Variants in ZNF225 observed in about 807,000 individuals in gnomAD.
ZNF225 encodes zinc finger protein 225.
ZNF225 carries 6 observed loss-of-function variants against 12.0 expected under a neutral mutation model. The ratio of observed to expected loss-of-function variants is 0.50; its 90% CI spans 0.27 to 0.98. ZNF225 has a LOEUF of 0.98. ZNF225 is among the 50% of genes least tolerant of loss of function. The pLI, the probability that ZNF225 is intolerant of heterozygous loss-of-function variation, is 0.11. For synonymous variants in ZNF225, 271 were observed against 283.2 expected (o/e 0.96, Z 0.43); for missense variants, 763 against 848.2 (o/e 0.90, Z 1.25).
chr19:44,132,025 C>G lies in ZNF225; in HGVS notation c.1411C>G (p.Leu471Val), dbSNP rs756476165. Residue 471 changes from leucine (L) to valine (V), a missense_variant, in exon 5 of 5, where the codon CTT becomes GTT. Physicochemically the swap from Leu to Val is conservative, Grantham distance 32. Transcript: ENST00000262894. ...CGKSFGWASC[L>V]LNHQRIHSGE... ...GAAGAGCTTTGGCTGGGCCTCGTGT[C>G]TTTTGAATCATCAGAGAATCCACAG... 8.7e-6 allele frequency: 14 copies of G among 1,612,044 alleles called. No homozygotes were observed. The highest frequency in any genetic ancestry group is 1.2e-5 in the Non-Finnish European group (14 of 1,179,502).
rs1968269707 is a variant in ZNF225 at position 44,131,860 on chromosome 19, T to C, written c.1246T>C (p.Tyr416His). Residue 416 changes from tyrosine to histidine, a missense_variant, in exon 5 of 5, where the codon TAT (tyrosine) becomes CAT (histidine). Physicochemically the swap from Tyr to His is moderately conservative, Grantham distance 83. Coordinates refer to ENST00000262894, the MANE Select transcript of ZNF225 (RefSeq NM_013362.4). Reference sequence around the variant, plus strand: ...GGGATTTTATACAAATTCACAACGTTATTCTCACCAGAGAGCGCACAGTGG... The same window carrying C: ...GGGATTTTATACAAATTCACAACGTCATTCTCACCAGAGAGCGCACAGTGG... ...GKGFYTNSQR[Y>H]SHQRAHSGEK... The C allele has an allele frequency of 6.2e-7, 1 of 1,614,116 alleles. No individual in the cohort carries two copies. The highest frequency in any genetic ancestry group is 2.2e-5 in the East Asian group (1 of 44,866).
Position 44,132,933 on chromosome 19 carries a change from C to T in ZNF225, c.*198C>T. On this transcript the variant is annotated 3_prime_UTR_variant, in exon 5 of 5. Transcript: ENST00000262894. ...ACTGTCACCCTGTAGTGGTGTAAAA[C>T]ACTAGAACTTATTCCTCCTACCTGC... The T allele has an allele frequency of 2.1e-6, 1 of 473,934 alleles. No homozygotes were observed. Among genetic ancestry groups the T allele is most frequent in the South Asian group, 3.4e-5 (1 of 29,374 alleles). 29.4% of individuals were successfully genotyped at this position (473,934 alleles called of 1,614,324 possible). A position where few individuals can be genotyped will look rare whatever the true frequency, so the allele number is the denominator to read the frequency against.
At chr19:44,114,164 CA>C (rs1967889428) in intron 1 of ZNF225, 4 of 963,742 alleles carry the variant, frequency 4.2e-6, no homozygotes, top group Middle Eastern at 4.5e-4. Flanking sequence ...CCGACCTTTC[CA>C]AAAGAGCTGC....
rs775988972 is a variant in ZNF225 at position 44,130,700 on chromosome 19, CAAAAAA to C, written c.236-131_236-126del. On this transcript the variant is annotated intron_variant, in intron 4 of 4. Coordinates refer to ENST00000262894, the MANE Select transcript of ZNF225 (RefSeq NM_013362.4). ...TGGGGGACAGAGCGAGACTCCATCT[CAAAAAA>C]AAAAAAAAAAAAAAAAAAGGAAAAT... 575 of 169,880 alleles carry C rather than the reference CAAAAAA, an allele frequency of 3.4e-3. 2 individuals are homozygous for C. The highest frequency in any genetic ancestry group is 0.018 in the South Asian group (448 of 24,342). 10.5% of individuals were successfully genotyped at this position (169,880 alleles called of 1,614,324 possible).
chr19:44,116,974 T>C (rs1400210927), intron 2 of ZNF225, among the ~76,000 whole-genome samples: 4 of 152,174 alleles, frequency 2.6e-5, no homozygotes, highest in Admixed American at 2.6e-4. Context: ...CAAAATGTTT[T>C]TTTTTACAGG....
At chr19:44,118,456 A>C in intron 3 of ZNF225, 26 bp from the exon 4 acceptor site, 2 of 1,613,434 alleles carry the variant, frequency 1.2e-6, no homozygotes, top group Non-Finnish European at 1.7e-6. Context: ...TATTGGCACT[A>C]AGCACATGAC....
At chr19:44,127,439 TC>T (rs1360004174) in intron 4 of ZNF225, among the ~76,000 whole-genome samples, 1 of 152,126 alleles carries the variant, frequency 6.6e-6, no homozygotes, top group Non-Finnish European at 1.5e-5. Context: ...GGTCTGTGGG[TC>T]CTCTTGGGAT....
chr19:44,118,506 C>T lies in ZNF225; in HGVS notation c.167C>T (p.Thr56Ile). The T allele has an allele frequency of 6.2e-7, 1 of 1,613,620 alleles. No individual in the cohort carries two copies. Among genetic ancestry groups the T allele is most frequent in the Non-Finnish European group, 8.5e-7 (1 of 1,179,714 alleles). ...SVGHQSLHRDTFHFLKEEKFW... is the reference protein window; with the variant it reads ...SVGHQSLHRDIFHFLKEEKFW... Reference sequence around the variant, plus strand: ...GGGCATCAATCACTCCACAGAGATACTTTCCACTTCCTAAAGGAAGAAAAG... The same window carrying T: ...GGGCATCAATCACTCCACAGAGATATTTTCCACTTCCTAAAGGAAGAAAAG... Residue 56 changes from threonine (T) to isoleucine (I), a missense_variant, in exon 4 of 5, where the codon ACT becomes ATT. Thr to Ile is a moderately conservative substitution (Grantham distance 89, BLOSUM62 -1). Coordinates refer to ENST00000262894, the MANE Select transcript of ZNF225 (RefSeq NM_013362.4).
intron 4 of ZNF225, among the ~76,000 whole-genome samples, chr19:44,125,096 T>G (rs1327800307): frequency 6.6e-6 from 1 of 152,184 alleles, no homozygotes; most frequent in Non-Finnish European, 1.5e-5. Flanking sequence ...TATTTTTTTG[T>G]TTTTGCTTTT....
rs58271953 is a variant in ZNF225, at chr19:44,132,905, A to G, written c.*170A>G. 2,741 of 605,504 alleles carry G rather than the reference A, an allele frequency of 4.5e-3. 46 individuals carry two copies. The highest frequency in any genetic ancestry group is 0.044 in the African/African-American group (2,379 of 53,646). 37.5% of individuals were successfully genotyped at this position (605,504 alleles called of 1,614,324 possible). A position where few individuals can be genotyped will look rare whatever the true frequency, so the allele number is the denominator to read the frequency against. The stretch of plus-strand genomic sequence containing the variant: ...GCTATTTGAAAATAATACGTTGTTA[A>G]TTACTGTCACCCTGTAGTGGTGTAA... On this transcript the variant is annotated 3_prime_UTR_variant, in exon 5 of 5. Coordinates refer to ENST00000262894, the MANE Select transcript of ZNF225 (RefSeq NM_013362.4).
rs976243834 is a variant in ZNF225, at chr19:44,113,492, T to C, written c.-146T>C. On this transcript the variant is annotated 5_prime_UTR_variant, in exon 1 of 5. Transcript: ENST00000262894. ...GTCAGTTCCGCGAGACCCTTCTGAATTTCCTGGACCTACGCATTGGATCCT... is the reference window on the plus strand; with the variant it reads ...GTCAGTTCCGCGAGACCCTTCTGAACTTCCTGGACCTACGCATTGGATCCT... 6.6e-6 allele frequency: 1 copy of C among 152,272 alleles called. No homozygotes were observed. 9.4% of individuals were successfully genotyped at this position (152,272 alleles called of 1,614,324 possible).
At position 44,133,313 on chromosome 19, in the gene ZNF225, G is replaced by C. The variant is rs995700717; in HGVS notation, c.*578G>C. 1 of 152,294 alleles carries C rather than the reference G, an allele frequency of 6.6e-6. No homozygotes were observed. The highest frequency in any genetic ancestry group is 6.5e-5 in the Admixed American group (1 of 15,284). 9.4% of individuals were successfully genotyped at this position (152,294 alleles called of 1,614,324 possible). On this transcript the variant is annotated 3_prime_UTR_variant, in exon 5 of 5. Coordinates refer to ENST00000262894, the MANE Select transcript of ZNF225 (RefSeq NM_013362.4). ...GTGAATGGTGCTGCAATAAACATGGGGGGGTGGAGATAACACTTTAACATA... is the reference window on the plus strand; with the variant it reads ...GTGAATGGTGCTGCAATAAACATGGCGGGGTGGAGATAACACTTTAACATA...
chr19:44,124,328 G>T lies in ZNF225; in HGVS notation c.235+5754G>T, dbSNP rs544066559. On this transcript the variant is annotated intron_variant, in intron 4 of 4. Coordinates refer to ENST00000262894, the MANE Select transcript of ZNF225 (RefSeq NM_013362.4). ...TCCATGTATTTGCATGGTTTTGAAGGTTCCTCTTGGAGTTGATTTCCAGTT... is the reference window on the plus strand; with the variant it reads ...TCCATGTATTTGCATGGTTTTGAAGTTTCCTCTTGGAGTTGATTTCCAGTT... Among the ~76,000 whole-genome samples the T allele has an allele frequency of 5.9e-5, 9 of 152,234 alleles. No individual in the cohort carries two copies. In the East Asian group the frequency reaches 1.7e-3, roughly 29 times the overall value.
intron 4 of ZNF225, among the ~76,000 whole-genome samples, chr19:44,126,374 G>C (rs1296608915): frequency 3.3e-5 from 5 of 152,322 alleles, no homozygotes; most frequent in East Asian, 3.9e-4. Context: ...TGTCTGCACA[G>C]AGTCCTGTGA....
intron 4 of ZNF225, among the ~76,000 whole-genome samples, chr19:44,120,726 A>G (rs922297776): frequency 6.6e-6 from 1 of 151,988 alleles, no homozygotes; most frequent in Non-Finnish European, 1.5e-5. Context: ...TTATTTTTTA[A>G]AAATTTTCCA....
chr19:44,129,126 C>T, intron 4 of ZNF225: 1 of 1,229,446 alleles, frequency 8.1e-7, no homozygotes, highest in Non-Finnish European at 1.0e-6. Context: ...CATATCAGTA[C>T]AGACAAATGA....
In ZNF225 at chr19:44,133,084, T is replaced by C. The variant is rs1161947944; in HGVS notation, c.*349T>C. ...GAGCTTCCACATATGTGTGAGAACA[T>C]GTGGTATGTATCTTTCTGTGCCTGG... is the stretch of plus-strand genomic sequence containing the variant. On this transcript the variant is annotated 3_prime_UTR_variant, in exon 5 of 5. Coordinates refer to ENST00000262894, the MANE Select transcript of ZNF225 (RefSeq NM_013362.4). 1 of 181,650 alleles carries C rather than the reference T, an allele frequency of 5.5e-6. No homozygotes were observed. The highest frequency in any genetic ancestry group is 2.4e-5 in the African/African-American group (1 of 41,912). The allele number at this position is 181,650 out of a possible 1,614,324, so 11.3% of individuals were successfully genotyped here.
rs1968341156 is a variant in ZNF225 at position 44,134,004 on chromosome 19, A to T, written c.*1269A>T. 6.6e-6 allele frequency: 1 copy of T among 152,088 alleles called. No individual in the cohort carries two copies. The highest frequency in any genetic ancestry group is 1.5e-5 in the Non-Finnish European group (1 of 68,020). The allele number at this position is 152,088 out of a possible 1,614,324, so 9.4% of individuals were successfully genotyped here. On this transcript the variant is annotated 3_prime_UTR_variant, in exon 5 of 5. Transcript: ENST00000262894. ...AGATCCATGCTGTCTCAATTTGCATAGTGGGTTGGAGGTCCCTAAGACAAT... is the reference window on the plus strand; with the variant it reads ...AGATCCATGCTGTCTCAATTTGCATTGTGGGTTGGAGGTCCCTAAGACAAT...
intron 1 of ZNF225, among the ~76,000 whole-genome samples, chr19:44,114,512 C>T (rs574272065): frequency 6.6e-6 from 1 of 152,248 alleles, no homozygotes; most frequent in East Asian, 1.9e-4. Context: ...AAATCTCTCT[C>T]TCTCTTTTTT....
Sources: allele counts gnomAD v4.1 joint callset (sites outside exome capture counted in the v4.1 genomes callset), GRCh38; gene constraint gnomAD v4.1.1; transcripts MANE v1.5; gene names NCBI Gene and HGNC (gene_info 2026-07-23, HGNC 2026-07-21).